The following CCDC171 variants were observed in gnomAD, a reference collection of about 807,000 sequenced individuals.
CCDC171 encodes the protein coiled-coil domain containing 171, also known as coiled-coil domain-containing protein 171.
In CCDC171, 177 loss-of-function variants were observed where a neutral mutation model predicts 168.2. The ratio of observed to expected loss-of-function variants is 1.05; its 90% confidence interval spans 0.93 to 1.19. CCDC171 has a LOEUF of 1.19. CCDC171 is among the 50% of genes most tolerant of loss of function. The pLI is 0.00. For synonymous variants in CCDC171, 687 were observed against 540.8 expected (o/e 1.27, Z -3.75); for missense variants, 1,991 against 1,539.0 (o/e 1.29, Z -4.91).
Position 15,575,452 on chromosome 9 carries a change from G to C in CCDC171, c.178-3397G>C, listed in dbSNP as rs549311252. Among the ~76,000 whole-genome samples, 8 of 152,226 alleles carry C rather than the reference G, an allele frequency of 5.3e-5. No homozygotes were observed. The East Asian group carries it at 1.4e-3, about 26-fold the overall frequency. On this transcript the variant is annotated intron_variant, in intron 3 of 25. Coordinates refer to ENST00000380701, the MANE Select transcript of CCDC171 (RefSeq NM_173550.4). ...GCCTCCCAAAGTGCTGGGACAACAGGTGTGAGCCACCGTACTCGGCTGACA... is the reference window on the plus strand; with the variant it reads ...GCCTCCCAAAGTGCTGGGACAACAGCTGTGAGCCACCGTACTCGGCTGACA...
chr9:15,877,443 A>G (rs1285086329), intron 24 of CCDC171, among the ~76,000 whole-genome samples: 1 of 151,532 alleles, frequency 6.6e-6, no homozygotes, highest in Admixed American at 6.6e-5. Flanking sequence ...TTTTTTCTGT[A>G]TCTTTCCATT....
At chr9:15,646,249 A>T (rs1317725309) in intron 7 of CCDC171, among the ~76,000 whole-genome samples, 1 of 152,232 alleles carries the variant, frequency 6.6e-6, no homozygotes, top group Non-Finnish European at 1.5e-5. Flanking sequence ...TGAAGGAAGC[A>T]ATAAACATGG....
chr9:16,081,110 A>G, the CCDC171 span, among the ~76,000 whole-genome samples: 21,468 of 152,202 alleles, frequency 0.14, 1,632 homozygotes, highest in African/African-American at 0.2. Context: ...AAGTTCAGAC[A>G]CGCCATCAGA....
chr9:16,081,735 T>G, the CCDC171 span, among the ~76,000 whole-genome samples: 1 of 152,228 alleles, frequency 6.6e-6, no homozygotes, highest in African/African-American at 2.4e-5. Flanking sequence ...ATAAGAATCC[T>G]GTGGTCTTGC....
intron 16 of CCDC171, among the ~76,000 whole-genome samples, chr9:15,731,265 A>G (rs1374334060): frequency 2.0e-5 from 3 of 151,958 alleles, no homozygotes; most frequent in Non-Finnish European, 2.9e-5. Context: ...CTACAATTTG[A>G]TGTTTTGATC....
At chr9:15,615,026 A>T (rs1374192827) in intron 6 of CCDC171, among the ~76,000 whole-genome samples, 3 of 152,228 alleles carry the variant, frequency 2.0e-5, no homozygotes, top group African/African-American at 7.2e-5. Context: ...GAATGGAAAC[A>T]TCTTGATAGC....
Position 15,801,763 on chromosome 9 carries a change from T to C in CCDC171, c.3267+17069T>C, listed in dbSNP as rs565039858. On this transcript the variant is annotated intron_variant, in intron 21 of 25. Transcript: ENST00000380701. ...ATACTAGCTGTGGGTCTGTCATATA[T>C]GGCTTTTATTATGTTGATGTATGTT... 3.9e-5 allele frequency among the ~76,000 whole-genome samples: 6 copies of C among 152,264 alleles called. No homozygotes were observed. The East Asian group carries it at 1.2e-3, about 29-fold the overall frequency.
intron 25 of CCDC171, among the ~76,000 whole-genome samples, chr9:15,956,033 A>G (rs1829765580): frequency 1.3e-5 from 2 of 152,192 alleles, no homozygotes; most frequent in African/African-American, 2.4e-5. Context: ...ATGCAGGGCA[A>G]TTTCCTAATT....
At chr9:16,016,755 T>C (rs1466351141) in intron 3 of CCDC171, among the ~76,000 whole-genome samples, 1 of 152,228 alleles carries the variant, frequency 6.6e-6, no homozygotes, top group African/African-American at 2.4e-5. Flanking sequence ...TTTGTTTTCA[T>C]TGAAAATTTA....
intron 21 of CCDC171, among the ~76,000 whole-genome samples, chr9:15,846,332 T>G (rs186426045): frequency 6.6e-6 from 1 of 152,236 alleles, no homozygotes; most frequent in Admixed American, 6.5e-5. Flanking sequence ...TAATTCTATT[T>G]GGAATAAAAT....
intron 24 of CCDC171, among the ~76,000 whole-genome samples, chr9:15,895,716 A>G (rs546392077): frequency 1.7e-4 from 26 of 152,202 alleles, no homozygotes; most frequent in Middle Eastern, 3.4e-3. Flanking sequence ...TTGTTTTCCT[A>G]TGGCCCACAA....
chr9:15,680,909 A>T (rs1006487944), intron 10 of CCDC171, among the ~76,000 whole-genome samples: 6 of 152,164 alleles, frequency 3.9e-5, no homozygotes, highest in Non-Finnish European at 8.8e-5. Context: ...AGACATAATC[A>T]CCAATATAGG....
intron 23 of CCDC171, among the ~76,000 whole-genome samples, chr9:15,865,845 C>CGTGT (rs1285086348): frequency 4.3e-4 from 26 of 60,720 alleles, no homozygotes; most frequent in African/African-American, 9.9e-4. Flanking sequence ...TTCAACTCTG[C>CGTGT]GTGCGTGTGT....
At chr9:16,007,675 T>G (rs994789378) in intron 3 of CCDC171, among the ~76,000 whole-genome samples, 2 of 152,198 alleles carry the variant, frequency 1.3e-5, no homozygotes, top group Admixed American at 1.3e-4. Flanking sequence ...CCCAGCACCA[T>G]TTATTAATAG....
At chr9:15,714,648 G>A (rs148797817) in intron 11 of CCDC171, among the ~76,000 whole-genome samples, 1 of 152,268 alleles carries the variant, frequency 6.6e-6, no homozygotes, top group African/African-American at 2.4e-5. Flanking sequence ...GGAAGGTTAG[G>A]AGGAAGATTT....
At chr9:15,877,772 C>A (rs1001480466) in intron 24 of CCDC171, among the ~76,000 whole-genome samples, 16 of 152,018 alleles carry the variant, frequency 1.1e-4, no homozygotes, top group Non-Finnish European at 1.9e-4. Flanking sequence ...TCTACTTATA[C>A]TTTATAAAGA....
intron 4 of CCDC171, among the ~76,000 whole-genome samples, chr9:15,584,209 C>G (rs1388724970): frequency 6.6e-6 from 1 of 152,146 alleles, no homozygotes; most frequent in African/African-American, 2.4e-5. Flanking sequence ...CTTAGTTTTG[C>G]TCAGCTGTCT....
At chr9:16,066,353 C>T (rs1393179973), downstream of CCDC171, among the ~76,000 whole-genome samples, 3 of 152,106 alleles carry the variant, frequency 2.0e-5, no homozygotes, top group East Asian at 5.8e-4. Flanking sequence ...GTAGATGTCA[C>T]AGAAGTATAG....
chr9:15,895,953 A>G (rs1386815955), intron 24 of CCDC171, among the ~76,000 whole-genome samples: 1 of 151,936 alleles, frequency 6.6e-6, no homozygotes, highest in Non-Finnish European at 1.5e-5. Flanking sequence ...TTCTAAGATT[A>G]TTGTTGCCTT....
Sources: gnomAD v4.1 joint callset for allele counts (sites outside exome capture counted in the v4.1 genomes callset) on GRCh38, gnomAD v4.1.1 for gene constraint, MANE v1.5 for transcripts, NCBI Gene and HGNC (gene_info 2026-07-23, HGNC 2026-07-21) for gene names.